MYO16: variants seen among roughly 807,000 people sequenced by gnomAD.
MYO16 encodes myosin XVI.
MYO16 carries 94 observed loss-of-function variants against 205.3 expected under a neutral mutation model. The ratio of observed to expected loss-of-function variants is 0.46; its 90% CI spans 0.39 to 0.54. The LOEUF is 0.54. MYO16 is among the 20% of genes least tolerant of loss of function. The pLI is 0.00. For synonymous variants in MYO16, 988 were observed against 954.0 expected, an observed-to-expected ratio of 1.04 and a Z score of -0.66; for missense variants, 2,315 against 2,387.5, an observed-to-expected ratio of 0.97 and a Z score of 0.63.
At chr13:109,067,752 C>A (rs1343483507) in intron 27 of MYO16, among the ~76,000 whole-genome samples, 2 of 152,122 alleles carry the variant, frequency 1.3e-5, no homozygotes, top group African/African-American at 2.4e-5. Flanking sequence ...CAGTCCCATA[C>A]CTCTCACCAG....
chr13:109,169,646 G>A (rs1878847741), intron 33 of MYO16, among the ~76,000 whole-genome samples: 1 of 150,964 alleles, frequency 6.6e-6, no homozygotes, highest in African/African-American at 2.4e-5. Flanking sequence ...AAGAACTAAC[G>A]AAAATGGACA....
At chr13:109,182,008 G>A (rs910416787) in intron 34 of MYO16, among the ~76,000 whole-genome samples, 2 of 151,868 alleles carry the variant, frequency 1.3e-5, no homozygotes, top group African/African-American at 2.4e-5. Flanking sequence ...TAGTAGAGAT[G>A]GAGTTTCATC....
At chr13:108,854,056 G>A (rs913795280) in intron 10 of MYO16, among the ~76,000 whole-genome samples, 9 of 151,392 alleles carry the variant, frequency 5.9e-5, no homozygotes, top group Non-Finnish European at 1.2e-4. Flanking sequence ...TGCAGTGGCT[G>A]GATTTCGGCT....
At chr13:108,932,629 A>G (rs1357278644) in intron 16 of MYO16, among the ~76,000 whole-genome samples, 1 of 152,156 alleles carries the variant, frequency 6.6e-6, no homozygotes, top group Non-Finnish European at 1.5e-5. Context: ...TTCTCCAGGG[A>G]TAGACATTTA....
At chr13:109,013,803 T>A (rs1293410862) in intron 22 of MYO16, among the ~76,000 whole-genome samples, 2 of 152,216 alleles carry the variant, frequency 1.3e-5, no homozygotes, top group African/African-American at 4.8e-5. Context: ...GTCCACTTTT[T>A]GATGGGGTTG....
At chr13:108,741,030 G>C (rs765189314) in intron 4 of MYO16, among the ~76,000 whole-genome samples, 32 of 152,150 alleles carry the variant, frequency 2.1e-4, no homozygotes, top group Admixed American at 2.0e-4. Flanking sequence ...GGTGCTGTCT[G>C]TCATGGCTTC....
the MYO16 span, among the ~76,000 whole-genome samples, chr13:108,524,081 T>C: frequency 6.6e-6 from 1 of 152,034 alleles, no homozygotes; most frequent in African/African-American, 2.4e-5. Context: ...GGGTGGATTG[T>C]CTGAGCTCAG....
chr13:108,790,187 A>T (rs2138935600), intron 5 of MYO16, among the ~76,000 whole-genome samples: 1 of 152,350 alleles, frequency 6.6e-6, no homozygotes, highest in South Asian at 2.1e-4. Flanking sequence ...AATAGCGGCA[A>T]AGAGTAGCCC....
At chr13:109,187,207 A>C (rs1465197930) in intron 34 of MYO16, among the ~76,000 whole-genome samples, 1 of 152,130 alleles carries the variant, frequency 6.6e-6, no homozygotes, top group Non-Finnish European at 1.5e-5. Flanking sequence ...GATGTTAGGA[A>C]TTTTCCACAT....
chr13:108,693,688 G>C (rs1468043085), intron 2 of MYO16, among the ~76,000 whole-genome samples: 1 of 152,136 alleles, frequency 6.6e-6, no homozygotes. Context: ...TTCTATAAAT[G>C]TAAGTCTTTG....
At chr13:108,823,688 A>G (rs1466109170) in intron 9 of MYO16, among the ~76,000 whole-genome samples, 1 of 27,516 alleles carries the variant, frequency 3.6e-5, no homozygotes, top group Non-Finnish European at 3.3e-3. Context: ...TCTCCTAAAA[A>G]TAACTTCCTG....
At chr13:108,735,119 A>T (rs951626350) in intron 4 of MYO16, among the ~76,000 whole-genome samples, 3 of 152,002 alleles carry the variant, frequency 2.0e-5, no homozygotes, top group African/African-American at 7.2e-5. Context: ...CTTTTTATTT[A>T]TTTTTTATTA....
intron 27 of MYO16, among the ~76,000 whole-genome samples, chr13:109,070,165 G>T (rs1364225458): frequency 6.6e-6 from 1 of 152,118 alleles, no homozygotes; most frequent in Non-Finnish European, 1.5e-5. Context: ...CAGGAATATA[G>T]GTATTAAACT....
At chr13:108,948,913 A>G (rs1883038990) in intron 16 of MYO16, among the ~76,000 whole-genome samples, 3 of 152,108 alleles carry the variant, frequency 2.0e-5, no homozygotes, top group Non-Finnish European at 1.5e-5. Context: ...TATATACACA[A>G]ATTATTTTGG....
intron 1 of MYO16, among the ~76,000 whole-genome samples, chr13:108,611,962 TTTTTTTTTTC>T (rs1257802981): frequency 2.3e-4 from 34 of 147,162 alleles, no homozygotes; most frequent in African/African-American, 7.9e-4. Context: ...AATATTCTTT[TTTTTTTTTTC>T]TTTTTTTTTT....
At chr13:109,074,340 C>T (rs1047735534) in intron 27 of MYO16, among the ~76,000 whole-genome samples, 2 of 152,100 alleles carry the variant, frequency 1.3e-5, no homozygotes, top group African/African-American at 4.8e-5. Context: ...TTTCACACTG[C>T]TATAAAGAAC....
Position 108,886,660 on chromosome 13 carries a change from C to T in MYO16, c.1554-1712C>T, listed in dbSNP as rs189251363. ...ATATTGATTGATTTCCCTTGCTGCA[C>T]GTGTGCTAAGGAACGGACTCTTCCA... On this transcript the variant is annotated intron_variant, in intron 13 of 34. Transcript: ENST00000457511. Among the ~76,000 whole-genome samples the T allele has an allele frequency of 1.3e-3, 203 of 151,478 alleles. 1 individual carries two copies. Among genetic ancestry groups the T allele is most frequent in the Admixed American group, 4.0e-3 (60 of 15,178 alleles).
the MYO16 span, among the ~76,000 whole-genome samples, chr13:108,576,317 T>C: frequency 8.5e-5 from 13 of 152,156 alleles, no homozygotes; most frequent in African/African-American, 2.9e-4. Context: ...TGTACATCCC[T>C]GGAGGGATGA....
chr13:109,171,871 T>A (rs551811767), intron 33 of MYO16, among the ~76,000 whole-genome samples: 1 of 152,208 alleles, frequency 6.6e-6, no homozygotes, highest in Non-Finnish European at 1.5e-5. Context: ...CATTTACATT[T>A]ATCATTCTGT....
Sources: gnomAD v4.1 joint callset for allele counts (sites outside exome capture counted in the v4.1 genomes callset) on GRCh38, gnomAD v4.1.1 for gene constraint, MANE v1.5 for transcripts, NCBI Gene and HGNC (gene_info 2026-07-23, HGNC 2026-07-21) for gene names.